ARHGAP25: variants seen among roughly 807,000 people sequenced by gnomAD.
ARHGAP25 encodes Rho GTPase activating protein 25.
A neutral mutation model predicts 71.0 loss-of-function variants in ARHGAP25; 34 were observed. The observed-to-expected ratio is 0.48, with a 90% CI of 0.36 to 0.64. The LOEUF is 0.64. Among genes scored for constraint, ARHGAP25 ranks in the 30% least tolerant of loss-of-function variants. The probability of loss-of-function intolerance (pLI) is 0.00; values close to 1 mark genes in which losing one functional copy is unlikely to be tolerated. For synonymous variants in ARHGAP25, 282 were observed against 296.5 expected, an observed-to-expected ratio of 0.95 and a Z score of 0.50; for missense variants, 706 against 805.1, an observed-to-expected ratio of 0.88 and a Z score of 1.49.
chr2:68,734,882 C>T lies in ARHGAP25; in HGVS notation c.-318C>T. On this transcript the variant is annotated 5_prime_UTR_variant, in exon 1 of 11. The change creates a premature stop within an existing upstream ORF in the 5' untranslated region. Coordinates refer to ENST00000409202, the MANE Select transcript of ARHGAP25 (RefSeq NM_001007231.3). ...AAAAGGAGCTTTGCTTCCCATGACG[C>T]AGAGGGAAGTGTCAACTGGGATATT... 1 of 379,106 alleles carries T rather than the reference C, an allele frequency of 2.6e-6. No individual in the cohort carries two copies. The highest frequency in any genetic ancestry group is 4.8e-6 in the Non-Finnish European group (1 of 208,218). 23.5% of individuals were successfully genotyped at this position (379,106 alleles called of 1,614,324 possible).
intron 9 of ARHGAP25, chr2:68,819,564 A>C: frequency 1.5e-6 from 1 of 664,700 alleles, no homozygotes; most frequent in East Asian, 2.7e-5. Context: ...CTGAGCAATG[A>C]GGTCCTCACT....
chr2:68,758,124 G>A (rs551562489), intron 1 of ARHGAP25, among the ~76,000 whole-genome samples: 1 of 152,018 alleles, frequency 6.6e-6, no homozygotes, highest in Admixed American at 6.5e-5. Flanking sequence ...ACACAAACAC[G>A]AAGGAAGAAA....
At chr2:68,750,240 G>GC (rs906234009) in intron 1 of ARHGAP25, among the ~76,000 whole-genome samples, 1 of 151,064 alleles carries the variant, frequency 6.6e-6, no homozygotes, top group Non-Finnish European at 1.5e-5. Flanking sequence ...TGGACTCCTG[G>GC]CCCCAAGTGA....
chr2:68,798,194 C>A lies in ARHGAP25; in HGVS notation c.467-9079C>A, dbSNP rs956042583. Among the ~76,000 whole-genome samples the A allele has an allele frequency of 4.6e-5, 7 of 152,214 alleles. No individual in the cohort carries two copies. The East Asian group carries it at 1.2e-3, about 25-fold the overall frequency. ...TTGAATTGTTATATACCTTGGATTT[C>A]TTTTCTCCTTTCATTCTTTTAAGTT... On this transcript the variant is annotated intron_variant, in intron 4 of 10. Transcript: ENST00000409202.
At chr2:68,776,051 C>T (rs192912134) in intron 2 of ARHGAP25, among the ~76,000 whole-genome samples, 8 of 152,164 alleles carry the variant, frequency 5.3e-5, no homozygotes, top group Admixed American at 2.0e-4. Flanking sequence ...ACACTGGGGC[C>T]GAGACTAAAG....
At chr2:68,825,900 A>T (rs893182061) in intron 10 of ARHGAP25, 87 bp from the exon 11 acceptor site, 1 of 1,172,366 alleles carries the variant, frequency 8.5e-7, no homozygotes, top group African/African-American at 1.6e-5. Flanking sequence ...TTTGAAAGGA[A>T]AATGAGCAGC....
upstream of ARHGAP25, among the ~76,000 whole-genome samples, chr2:68,732,817 T>C (rs1675057964): frequency 6.6e-6 from 1 of 152,204 alleles, no homozygotes; most frequent in Admixed American, 6.5e-5. Context: ...TCTTCTCTCT[T>C]GTGCTCCTTT....
At chr2:68,738,452 T>TAAAG (rs1675330588) in intron 1 of ARHGAP25, among the ~76,000 whole-genome samples, 2 of 152,164 alleles carry the variant, frequency 1.3e-5, no homozygotes, top group Non-Finnish European at 2.9e-5. Context: ...TGTTCAGCTT[T>TAAAG]CTGAACATCA....
At chr2:68,783,242 G>A (rs758556344) in intron 3 of ARHGAP25, among the ~76,000 whole-genome samples, 1 of 152,090 alleles carries the variant, frequency 6.6e-6, no homozygotes, top group African/African-American at 2.4e-5. Context: ...TCTATAAAAT[G>A]GGGACAATAA....
intron 4 of ARHGAP25, among the ~76,000 whole-genome samples, chr2:68,793,323 GC>G (rs1484050798): frequency 6.6e-6 from 1 of 152,088 alleles, no homozygotes; most frequent in African/African-American, 2.4e-5. Flanking sequence ...TGCTTTTGAG[GC>G]CTTAGTCATG....
At chr2:68,750,172 G>GT (rs1676072170) in intron 1 of ARHGAP25, among the ~76,000 whole-genome samples, 1 of 50,040 alleles carries the variant, frequency 2.0e-5, no homozygotes. Flanking sequence ...ATGCCCGGCT[G>GT]ATTTTTTTTT....
At chr2:68,800,392 G>A (rs1679881360) in intron 4 of ARHGAP25, among the ~76,000 whole-genome samples, 1 of 152,196 alleles carries the variant, frequency 6.6e-6, no homozygotes, top group Non-Finnish European at 1.5e-5. Flanking sequence ...CTAAGGAAGG[G>A]GTTGAGGGTT....
At chr2:68,744,983 C>T (rs1252653396) in intron 1 of ARHGAP25, among the ~76,000 whole-genome samples, 1 of 152,166 alleles carries the variant, frequency 6.6e-6, no homozygotes, top group Non-Finnish European at 1.5e-5. Flanking sequence ...AGATAAAAAT[C>T]ACTTCCTGAA....
chr2:68,785,127 G>A (rs1316633510), intron 3 of ARHGAP25, among the ~76,000 whole-genome samples: 1 of 152,168 alleles, frequency 6.6e-6, no homozygotes, highest in Admixed American at 6.5e-5. Context: ...GACAAGAATA[G>A]GACATTTTCT....
chr2:68,783,618 C>T (rs1321183703), intron 3 of ARHGAP25, among the ~76,000 whole-genome samples: 1 of 152,038 alleles, frequency 6.6e-6, no homozygotes, highest in Non-Finnish European at 1.5e-5. Context: ...TGTGTGCCGC[C>T]ATGCCCAGTT....
intron 2 of ARHGAP25, among the ~76,000 whole-genome samples, chr2:68,776,181 A>C (rs1475839290): frequency 1.3e-5 from 2 of 152,102 alleles, no homozygotes; most frequent in East Asian, 3.9e-4. Flanking sequence ...CAAGGAGGGC[A>C]CTGTGGTGGG....
At chr2:68,732,710 G>A (rs919240246), upstream of ARHGAP25, among the ~76,000 whole-genome samples, 1 of 152,178 alleles carries the variant, frequency 6.6e-6, no homozygotes, top group African/African-American at 2.4e-5. Context: ...TGTACTTCCG[G>A]CCTCACTGAC....
At chr2:68,799,843 T>C (rs1320689952) in intron 4 of ARHGAP25, among the ~76,000 whole-genome samples, 4 of 152,132 alleles carry the variant, frequency 2.6e-5, no homozygotes, top group Non-Finnish European at 5.9e-5. Flanking sequence ...CATGTGCTGA[T>C]CTGGAAGTGA....
chr2:68,751,181 G>T (rs537277234), intron 1 of ARHGAP25, among the ~76,000 whole-genome samples: 1 of 152,118 alleles, frequency 6.6e-6, no homozygotes, highest in East Asian at 1.9e-4. Context: ...TCATCCTCAC[G>T]CTGAGCCCAG....
Sources: gnomAD v4.1 joint callset for allele counts (sites outside exome capture counted in the v4.1 genomes callset) on GRCh38, gnomAD v4.1.1 for gene constraint, MANE v1.5 for transcripts, NCBI Gene and HGNC (gene_info 2026-07-23, HGNC 2026-07-21) for gene names.